The following SGCD variants were observed in gnomAD, a reference collection of about 807,000 sequenced individuals.
SGCD encodes the protein sarcoglycan delta.
SGCD carries 18 observed loss-of-function variants against 36.6 expected under a neutral mutation model. That is an observed-to-expected ratio of 0.49 (90% CI 0.34 to 0.73). SGCD has a LOEUF of 0.73. Among genes scored for constraint, SGCD ranks in the 30% least tolerant of loss-of-function variants. The pLI, the probability that SGCD is intolerant of heterozygous loss-of-function variation, is 0.01. For synonymous variants in SGCD, 133 were observed against 130.6 expected, an observed-to-expected ratio of 1.02 and a Z score of -0.12; for missense variants, 387 against 346.7, an observed-to-expected ratio of 1.12 and a Z score of -0.92.
chr5:156,494,159 A>G (rs1359429953), intron 3 of SGCD, among the ~76,000 whole-genome samples: 2 of 152,124 alleles, frequency 1.3e-5, no homozygotes, highest in Non-Finnish European at 1.5e-5. Context: ...GCTGTTGAAC[A>G]TATACAGTGT....
chr5:155,955,721 A>T (rs1757636908), intron 1 of SGCD, among the ~76,000 whole-genome samples: 1 of 152,050 alleles, frequency 6.6e-6, no homozygotes, highest in African/African-American at 2.4e-5. Flanking sequence ...TTACTCTGAT[A>T]TACCAATACT....
At chr5:155,963,815 T>A (rs1449673905) in intron 1 of SGCD, among the ~76,000 whole-genome samples, 3 of 152,098 alleles carry the variant, frequency 2.0e-5, no homozygotes, top group Non-Finnish European at 4.4e-5. Context: ...ACTTTTTTTA[T>A]AATTTATCTT....
intron 1 of SGCD, among the ~76,000 whole-genome samples, chr5:156,029,036 T>G (rs1237589265): frequency 1.3e-5 from 2 of 152,146 alleles, no homozygotes; most frequent in African/African-American, 4.8e-5. Flanking sequence ...TTTTATGTTT[T>G]TTTTTAGAGT....
intron 1 of SGCD, among the ~76,000 whole-genome samples, chr5:156,060,008 T>C (rs1760162647): frequency 6.8e-6 from 1 of 146,712 alleles, no homozygotes; most frequent in Non-Finnish European, 1.5e-5. Flanking sequence ...ACTGTTCAGG[T>C]CAAATATTCT....
At chr5:156,571,449 T>G (rs568924958) in intron 4 of SGCD, among the ~76,000 whole-genome samples, 1 of 152,272 alleles carries the variant, frequency 6.6e-6, no homozygotes, top group East Asian at 1.9e-4. Flanking sequence ...AGTATTTATA[T>G]TCTCTCTCTT....
intron 4 of SGCD, among the ~76,000 whole-genome samples, chr5:156,527,520 A>C (rs948747706): frequency 1.3e-5 from 2 of 152,206 alleles, no homozygotes; most frequent in Non-Finnish European, 2.9e-5. Context: ...GAGAAAGTAC[A>C]CTAGATTCAA....
intron 3 of SGCD, among the ~76,000 whole-genome samples, chr5:156,486,018 C>A (rs534672441): frequency 1.3e-5 from 2 of 152,192 alleles, no homozygotes; most frequent in African/African-American, 4.8e-5. Context: ...CAGCAGTGTT[C>A]CAGAGAGGGA....
At chr5:156,280,847 T>A (rs1766435847) in intron 3 of SGCD, among the ~76,000 whole-genome samples, 1 of 147,206 alleles carries the variant, frequency 6.8e-6, no homozygotes, top group Non-Finnish European at 1.5e-5. Flanking sequence ...ATGCAGAGAA[T>A]TTTTTAGAGT....
At chr5:155,955,120 G>T (rs1337460331) in intron 1 of SGCD, among the ~76,000 whole-genome samples, 2 of 151,968 alleles carry the variant, frequency 1.3e-5, no homozygotes, top group Admixed American at 1.3e-4. Context: ...TGTCAGGGAG[G>T]GTAGTCTGCT....
At chr5:156,218,848 A>G (rs1187447320) in intron 3 of SGCD, among the ~76,000 whole-genome samples, 1 of 152,182 alleles carries the variant, frequency 6.6e-6, no homozygotes, top group East Asian at 1.9e-4. Flanking sequence ...AATTTCCAGA[A>G]AATAATAAAT....
At chr5:156,548,104 T>A (rs924720471) in intron 4 of SGCD, among the ~76,000 whole-genome samples, 2 of 152,192 alleles carry the variant, frequency 1.3e-5, no homozygotes, top group African/African-American at 4.8e-5. Context: ...AGTAGGCACA[T>A]AGCCTGAGTC....
chr5:156,627,967 A>G (rs551853011), intron 6 of SGCD, among the ~76,000 whole-genome samples: 1 of 152,306 alleles, frequency 6.6e-6, no homozygotes, highest in African/African-American at 2.4e-5. Flanking sequence ...TGGGTAATTT[A>G]TAAAGGAAAA....
At chr5:155,779,320 C>G in the SGCD span, among the ~76,000 whole-genome samples, 5 of 151,972 alleles carry the variant, frequency 3.3e-5, no homozygotes, top group Non-Finnish European at 7.4e-5. Context: ...TTCCTGTGCT[C>G]CCATCTGCTT....
chr5:155,899,467 A>G (rs970397244), intron 1 of SGCD, among the ~76,000 whole-genome samples: 3 of 152,216 alleles, frequency 2.0e-5, no homozygotes, highest in African/African-American at 7.2e-5. Flanking sequence ...CTATTAGCAG[A>G]AGCATCAGCT....
At position 156,583,193 on chromosome 5, in the gene SGCD, C is replaced by T. The variant is rs146991289; in HGVS notation, c.295-6038C>T. Among the ~76,000 whole-genome samples the T allele has an allele frequency of 3.9e-5, 6 of 152,282 alleles. No individual in the cohort carries two copies. In the South Asian group the frequency reaches 8.3e-4, roughly 21 times the overall value. On this transcript the variant is annotated intron_variant, in intron 4 of 8. Coordinates refer to ENST00000337851, the MANE Select transcript of SGCD (RefSeq NM_000337.6). The stretch of plus-strand genomic sequence containing the variant: ...AGGATTGAAGGCAATGCCAACTGTG[C>T]ACCCTAATACATCAGACTCCTAGGC...
intron 1 of SGCD, among the ~76,000 whole-genome samples, chr5:155,998,002 A>T (rs867030327): frequency 1.2e-4 from 19 of 152,190 alleles, no homozygotes; most frequent in African/African-American, 4.6e-4. Flanking sequence ...TTAGAATATG[A>T]GGTTTGGAAA....
chr5:155,882,130 CAG>C (rs1253409278), intron 1 of SGCD, among the ~76,000 whole-genome samples: 1 of 151,946 alleles, frequency 6.6e-6, no homozygotes, highest in Non-Finnish European at 1.5e-5. Context: ...TTTTTTGAGA[CAG>C]AGTCTTGCTC....
chr5:155,891,989 A>G (rs147204689), intron 1 of SGCD, among the ~76,000 whole-genome samples: 16 of 152,326 alleles, frequency 1.1e-4, no homozygotes, highest in African/African-American at 3.6e-4. Context: ...TGCAGAAGGT[A>G]CATTTACTAG....
intron 1 of SGCD, among the ~76,000 whole-genome samples, chr5:156,033,973 G>A (rs578117209): frequency 1.3e-5 from 2 of 152,142 alleles, no homozygotes; most frequent in Non-Finnish European, 2.9e-5. Flanking sequence ...TTCTACCAAG[G>A]GAAAACTGTG....
Sources: gnomAD v4.1 joint callset for allele counts (sites outside exome capture counted in the v4.1 genomes callset) on GRCh38, gnomAD v4.1.1 for gene constraint, MANE v1.5 for transcripts, NCBI Gene and HGNC (gene_info 2026-07-23, HGNC 2026-07-21) for gene names.